The following TNRC6A variants were observed in gnomAD, a reference collection of about 807,000 sequenced individuals.
TNRC6A encodes the protein trinucleotide repeat containing adaptor 6A, also known as trinucleotide repeat-containing gene 6A protein.
A neutral mutation model predicts 221.2 loss-of-function variants in TNRC6A; 44 were observed. That is an observed-to-expected ratio of 0.20 (90% CI 0.16 to 0.26). The LOEUF is 0.26. Ranked by LOEUF, TNRC6A falls within the 10% of genes least tolerant of loss-of-function variation. The pLI is 1.00. For missense variants in TNRC6A, 2,199 were observed against 2,404.4 expected (o/e 0.91, Z 1.79); for synonymous variants, 847 against 838.5 (o/e 1.01, Z -0.18).
At chr16:24,671,236 G>T (rs574634982) in intron 2 of TNRC6A, among the ~76,000 whole-genome samples, 1 of 152,168 alleles carries the variant, frequency 6.6e-6, no homozygotes, top group Non-Finnish European at 1.5e-5. Context: ...GTTGTCCTTA[G>T]GAAGATGGGT....
intron 1 of TNRC6A, among the ~76,000 whole-genome samples, chr16:24,623,275 T>G (rs1051088267): frequency 3.9e-5 from 6 of 152,046 alleles, no homozygotes; most frequent in African/African-American, 1.4e-4. Context: ...CTCGGCTCAC[T>G]GCAAGCTCCG....
chr16:24,672,979 T>C (rs2055338219), intron 2 of TNRC6A, among the ~76,000 whole-genome samples: 1 of 152,010 alleles, frequency 6.6e-6, no homozygotes, highest in South Asian at 2.1e-4. Flanking sequence ...GGCAGGAGGA[T>C]TGCTTGAGCC....
At chr16:24,641,431 G>A (rs185383157) in intron 2 of TNRC6A, among the ~76,000 whole-genome samples, 7 of 152,294 alleles carry the variant, frequency 4.6e-5, no homozygotes, top group Admixed American at 3.3e-4. Flanking sequence ...GAGAGATCCA[G>A]GAGGAAAATG....
exon 1 of TNRC6A, chr16:24,610,387 TA>T (rs1400010609): frequency 6.6e-6 from 1 of 152,284 alleles, no homozygotes; most frequent in Non-Finnish European, 1.5e-5. Context: ...TTGCAGCCAC[TA>T]ACCTGTGAGC....
chr16:24,729,684 TCGGCGGCGGCGG>T lies in TNRC6A; in HGVS notation c.-135_-124del, dbSNP rs57831728. On this transcript the variant is annotated 5_prime_UTR_variant, in exon 1 of 25. Transcript: ENST00000395799. ...TCTGGGGCCTGCGGCGGCGGCGGTG[TCGGCGGCGGCGG>T]CGGCGGCGGCGGCGGCGGCGGCAGC... The T allele has an allele frequency of 1.0e-2, 6,278 of 630,076 alleles. 211 individuals are homozygous for T. Among genetic ancestry groups the T allele is most frequent in the East Asian group, 0.024 (645 of 27,134 alleles). 39.0% of individuals were successfully genotyped at this position (630,076 alleles called of 1,614,324 possible).
At chr16:24,810,253 T>C (rs959067628) in intron 18 of TNRC6A, among the ~76,000 whole-genome samples, 17 of 152,226 alleles carry the variant, frequency 1.1e-4, no homozygotes, top group Non-Finnish European at 1.0e-4. Context: ...TCATCTTATT[T>C]AGTATTATCC....
intron 2 of TNRC6A, among the ~76,000 whole-genome samples, chr16:24,686,263 C>T (rs887624596): frequency 6.6e-6 from 1 of 152,186 alleles, no homozygotes; most frequent in East Asian, 1.9e-4. Context: ...GGGCAGTTCA[C>T]TTTAACCACT....
At chr16:24,810,617 T>G (rs2058523072) in intron 18 of TNRC6A, among the ~76,000 whole-genome samples, 1 of 152,082 alleles carries the variant, frequency 6.6e-6, no homozygotes, top group African/African-American at 2.4e-5. Flanking sequence ...CAAGAAAGAA[T>G]AGTGCATGCA....
At chr16:24,675,712 A>C (rs1192215351) in intron 2 of TNRC6A, among the ~76,000 whole-genome samples, 3,540 of 92,804 alleles carry the variant, frequency 0.038, 59 homozygotes, top group African/African-American at 0.057. Flanking sequence ...CTATATATAT[A>C]TATATATATA....
chr16:24,730,205 T>TTG, intron 1 of TNRC6A, 48 bp from the exon 2 acceptor site: 1 of 1,564,228 alleles, frequency 6.4e-7, no homozygotes, highest in Non-Finnish European at 8.6e-7. Context: ...CATCTCGTTT[T>TTG]TGTGTGTGTG....
At chr16:24,730,645 T>C (rs1262958304) in intron 2 of TNRC6A, among the ~76,000 whole-genome samples, 2 of 151,894 alleles carry the variant, frequency 1.3e-5, no homozygotes, top group South Asian at 2.1e-4. Flanking sequence ...GCGGCCCTTA[T>C]GGCGGGCTGT....
chr16:24,664,292 C>T (rs1454078331), intron 2 of TNRC6A, among the ~76,000 whole-genome samples: 1 of 151,588 alleles, frequency 6.6e-6, no homozygotes, highest in East Asian at 1.9e-4. Context: ...GATCATGCCA[C>T]TGCACTCCAG....
At chr16:24,748,476 CTGT>C (rs1198385927) in intron 2 of TNRC6A, among the ~76,000 whole-genome samples, 1 of 152,126 alleles carries the variant, frequency 6.6e-6, no homozygotes, top group Non-Finnish European at 1.5e-5. Flanking sequence ...TGGCAGGAAT[CTGT>C]TATGTTACTC....
intron 2 of TNRC6A, among the ~76,000 whole-genome samples, chr16:24,693,325 G>T (rs1036271540): frequency 1.3e-5 from 2 of 151,928 alleles, no homozygotes; most frequent in African/African-American, 2.4e-5. Flanking sequence ...AGTAGCTCAC[G>T]CCTGGAATCC....
In TNRC6A at chr16:24,795,877, G is replaced by T. The variant is rs115257305; in HGVS notation, c.3529-30G>T. 1.9e-6 allele frequency: 3 copies of T among 1,578,252 alleles called. No individual in the cohort carries two copies. In the African/African-American group the frequency reaches 4.1e-5, roughly 21 times the overall value. On this transcript the variant is annotated intron_variant, in intron 8 of 24. Coordinates refer to ENST00000395799, the MANE Select transcript of TNRC6A (RefSeq NM_014494.4). Reference sequence around the variant, plus strand: ...CCCCATGTTCTTCCCACTGGACCATGCTGTTTTGTGACTTTGTCTTTCCTT... The same window carrying T: ...CCCCATGTTCTTCCCACTGGACCATTCTGTTTTGTGACTTTGTCTTTCCTT...
At position 24,790,924 on chromosome 16, in the gene TNRC6A, T is replaced by G. The variant is rs112027699; in HGVS notation, c.2282T>G (p.Phe761Cys). 75 of 1,613,992 alleles carry G rather than the reference T, an allele frequency of 4.6e-5. 1 individual carries two copies. In the African/African-American group the frequency reaches 6.3e-4, roughly 13 times the overall value. The change falls in exon 6 of 25, where the codon TTT becomes TGT. Residue 761 changes from phenylalanine (F) to cysteine (C), a missense_variant. Phe to Cys is a radical substitution (Grantham distance 205). Coordinates refer to ENST00000395799, the MANE Select transcript of TNRC6A (RefSeq NM_014494.4). Reference sequence around the variant, plus strand: ...TGGGGAAGCTCTGCAACACAGACTTTTAACTCAGGGGCATGTATAGATAAG... The same window carrying G: ...TGGGGAAGCTCTGCAACACAGACTTGTAACTCAGGGGCATGTATAGATAAG... The part of the protein sequence containing the change: ...EAWGSSATQT[F>C]NSGACIDKTS...
chr16:24,753,517 C>A (rs548171777), intron 3 of TNRC6A, among the ~76,000 whole-genome samples: 1 of 152,270 alleles, frequency 6.6e-6, no homozygotes. Context: ...TACAACCTGT[C>A]GGTGAAGTGA....
chr16:24,672,522 A>G (rs1462001714), intron 2 of TNRC6A, among the ~76,000 whole-genome samples: 1 of 151,918 alleles, frequency 6.6e-6, no homozygotes. Flanking sequence ...GCTCACTGCA[A>G]CCTCAACCTC....
chr16:24,661,718 C>G (rs921426114), intron 2 of TNRC6A: 1 of 152,216 alleles, frequency 6.6e-6, no homozygotes, highest in African/African-American at 2.4e-5. Context: ...GGCCTACATC[C>G]TTATTCTTTA....
Sources: allele counts gnomAD v4.1 joint callset (sites outside exome capture counted in the v4.1 genomes callset), GRCh38; gene constraint gnomAD v4.1.1; transcripts MANE v1.5; gene names NCBI Gene and HGNC (gene_info 2026-07-23, HGNC 2026-07-21).